The following ATG10 variants were observed in gnomAD, a reference collection of about 807,000 sequenced individuals.
ATG10 encodes the protein ubiquitin-like-conjugating enzyme ATG10.
A neutral mutation model predicts 32.1 loss-of-function variants in ATG10; 30 were observed. The ratio of observed to expected loss-of-function variants is 0.94; its 90% CI spans 0.70 to 1.27. ATG10 has a LOEUF of 1.27. Ranked by LOEUF, ATG10 falls within the 50% of genes most tolerant of loss-of-function variation. The pLI, the probability that ATG10 is intolerant of heterozygous loss-of-function variation, is 0.00. For missense variants in ATG10, 233 were observed against 262.3 expected (o/e 0.89, Z 0.77); for synonymous variants, 87 against 91.5 (o/e 0.95, Z 0.28).
intron 2 of ATG10, among the ~76,000 whole-genome samples, chr5:82,052,322 TATGACAGCTTGTACTA>T (rs1367690776): frequency 1.3e-5 from 2 of 152,294 alleles, no homozygotes; most frequent in South Asian, 4.1e-4. Flanking sequence ...GGCATAGCCC[TATGACAGCTTGTACTA>T]AAACAGACCC....
chr5:82,054,521 T>C (rs1425260254), intron 2 of ATG10, among the ~76,000 whole-genome samples: 1 of 152,206 alleles, frequency 6.6e-6, no homozygotes, highest in South Asian at 2.1e-4. Flanking sequence ...TCCTGCTCTC[T>C]TGCAGAATTT....
At chr5:81,984,099 G>C (rs551576555) in intron 1 of ATG10, among the ~76,000 whole-genome samples, 12 of 152,364 alleles carry the variant, frequency 7.9e-5, no homozygotes, top group Non-Finnish European at 1.6e-4. Flanking sequence ...AGGCTGCAGC[G>C]AGCCGAGATC....
At chr5:82,204,829 T>C (rs562794981) in intron 5 of ATG10, among the ~76,000 whole-genome samples, 3 of 152,302 alleles carry the variant, frequency 2.0e-5, no homozygotes, top group East Asian at 3.9e-4. Flanking sequence ...ATGCAAGATA[T>C]CTGAGTGGCA....
intron 2 of ATG10, among the ~76,000 whole-genome samples, chr5:81,998,313 A>G (rs190543509): frequency 7.4e-4 from 112 of 152,370 alleles, no homozygotes; most frequent in Non-Finnish European, 1.4e-3. Context: ...AGGAGAAATA[A>G]GATCCTTTCC....
At chr5:82,035,377 G>A (rs1762886473) in intron 2 of ATG10, among the ~76,000 whole-genome samples, 1 of 152,166 alleles carries the variant, frequency 6.6e-6, no homozygotes, top group Admixed American at 6.5e-5. Context: ...ACCTAGCACA[G>A]CACATTGCAT....
intron 3 of ATG10, among the ~76,000 whole-genome samples, chr5:82,136,915 A>T (rs1382637723): frequency 6.6e-6 from 1 of 151,864 alleles, no homozygotes; most frequent in African/African-American, 2.4e-5. Context: ...ATTCCTTTTC[A>T]TTCTTTTTCT....
At chr5:82,227,260 C>T (rs1746168885) in intron 5 of ATG10, among the ~76,000 whole-genome samples, 1 of 152,076 alleles carries the variant, frequency 6.6e-6, no homozygotes, top group Non-Finnish European at 1.5e-5. Flanking sequence ...ACATCCATCC[C>T]TTACCATGAC....
At chr5:81,994,498 G>A (rs189019426) in intron 2 of ATG10, among the ~76,000 whole-genome samples, 5 of 152,306 alleles carry the variant, frequency 3.3e-5, no homozygotes, top group Admixed American at 2.6e-4. Flanking sequence ...TCCCAAAGCA[G>A]GGTTTAGAGA....
intron 2 of ATG10, among the ~76,000 whole-genome samples, chr5:82,046,434 A>G (rs1763238877): frequency 6.6e-6 from 1 of 152,210 alleles, no homozygotes; most frequent in Non-Finnish European, 1.5e-5. Context: ...TGGAGTAATA[A>G]GTTTCCAAGT....
At position 82,254,835 on chromosome 5, in the gene ATG10, A is replaced by G. The variant is rs962497031; in HGVS notation, c.*772A>G. ...ACCTATCTTAAGTGATTTTCCCACA[A>G]TCAAACTCAGGAACAATAGATTATT... is the stretch of plus-strand genomic sequence containing the variant. On this transcript the variant is annotated 3_prime_UTR_variant, in exon 8 of 8. Coordinates refer to ENST00000282185, the MANE Select transcript of ATG10 (RefSeq NM_031482.5). 6 of 151,864 alleles carry G rather than the reference A, an allele frequency of 4.0e-5. No homozygotes were observed. Among genetic ancestry groups the G allele is most frequent in the South Asian group, 2.1e-4 (1 of 4,800 alleles). 9.4% of individuals were successfully genotyped at this position (151,864 alleles called of 1,614,324 possible).
chr5:82,033,406 C>T (rs1244607802), intron 2 of ATG10, among the ~76,000 whole-genome samples: 3 of 150,324 alleles, frequency 2.0e-5, no homozygotes, highest in East Asian at 3.9e-4. Context: ...GGCACGATCT[C>T]GGTTCACTGC....
chr5:82,040,644 A>G (rs1763057266), intron 2 of ATG10, among the ~76,000 whole-genome samples: 1 of 152,230 alleles, frequency 6.6e-6, no homozygotes, highest in Non-Finnish European at 1.5e-5. Context: ...AATGCACTAG[A>G]GGAAAATACA....
intron 3 of ATG10, among the ~76,000 whole-genome samples, chr5:82,086,422 G>A (rs1764695823): frequency 6.6e-6 from 1 of 152,008 alleles, no homozygotes; most frequent in African/African-American, 2.4e-5. Context: ...ATAGCTTTAG[G>A]GATATATTTG....
chr5:82,087,215 A>G (rs1044397138), intron 3 of ATG10, among the ~76,000 whole-genome samples: 1 of 152,212 alleles, frequency 6.6e-6, no homozygotes, highest in Non-Finnish European at 1.5e-5. Context: ...GGAGAAATAA[A>G]CATGGTTTGA....
intron 2 of ATG10, among the ~76,000 whole-genome samples, chr5:82,004,204 A>C (rs1222692816): frequency 6.6e-6 from 1 of 152,226 alleles, no homozygotes; most frequent in Non-Finnish European, 1.5e-5. Context: ...TGAATTAGGC[A>C]ACAATAATTG....
intron 3 of ATG10, among the ~76,000 whole-genome samples, chr5:82,148,443 A>G (rs1561326211): frequency 1.3e-5 from 2 of 152,168 alleles, no homozygotes; most frequent in African/African-American, 4.8e-5. Context: ...TTCATCTCCT[A>G]TTGCATCATG....
intron 2 of ATG10, among the ~76,000 whole-genome samples, chr5:82,022,951 C>T (rs2149707883): frequency 6.6e-6 from 1 of 151,282 alleles, no homozygotes; most frequent in Middle Eastern, 3.4e-3. Context: ...TATTCCATAC[C>T]ACCATTATGT....
At chr5:82,076,701 T>C (rs559287099) in intron 3 of ATG10, among the ~76,000 whole-genome samples, 14 of 152,330 alleles carry the variant, frequency 9.2e-5, no homozygotes, top group Middle Eastern at 3.4e-3. Context: ...ATCAGTGATA[T>C]ACTAGAAGTC....
chr5:82,163,807 T>G (rs1279937564), intron 3 of ATG10, among the ~76,000 whole-genome samples: 1 of 152,242 alleles, frequency 6.6e-6, no homozygotes, highest in African/African-American at 2.4e-5. Flanking sequence ...ATCTACTCTA[T>G]TATAAATCAA....
Sources: gnomAD v4.1 joint callset for allele counts (sites outside exome capture counted in the v4.1 genomes callset) on GRCh38, gnomAD v4.1.1 for gene constraint, MANE v1.5 for transcripts, NCBI Gene and HGNC (gene_info 2026-07-23, HGNC 2026-07-21) for gene names.